The following SCARA5 variants were observed in gnomAD, a reference collection of about 807,000 sequenced individuals.
The protein encoded by SCARA5 is scavenger receptor class A member 5.
In SCARA5, 45 loss-of-function variants were observed where a neutral mutation model predicts 46.3. The ratio of observed to expected loss-of-function variants is 0.97; its 90% CI spans 0.76 to 1.24. SCARA5 has a LOEUF of 1.24. Among genes scored for constraint, SCARA5 ranks in the 50% most tolerant of loss-of-function variants. SCARA5 has a pLI of 0.00. For synonymous variants in SCARA5, 333 were observed against 306.5 expected, an observed-to-expected ratio of 1.09 and a Z score of -0.90; for missense variants, 680 against 689.0, an observed-to-expected ratio of 0.99 and a Z score of 0.15.
intron 4 of SCARA5, among the ~76,000 whole-genome samples, chr8:27,921,293 C>G (rs1019478201): frequency 3.3e-5 from 5 of 152,236 alleles, no homozygotes; most frequent in Admixed American, 3.3e-4. Context: ...GGAGCAAACT[C>G]TCACATCTAG....
At chr8:27,942,410 A>C (rs1451488237) in intron 3 of SCARA5, among the ~76,000 whole-genome samples, 2 of 151,966 alleles carry the variant, frequency 1.3e-5, no homozygotes, top group African/African-American at 2.4e-5. Context: ...TCACTTTCCA[A>C]CCACCACCAC....
intron 7 of SCARA5, among the ~76,000 whole-genome samples, chr8:27,893,803 TG>T (rs1807021659): frequency 6.6e-6 from 1 of 152,262 alleles, no homozygotes; most frequent in South Asian, 2.1e-4. Context: ...TGGCTATCAC[TG>T]GGGTGTGAGA....
At chr8:27,971,166 G>A (rs1300660146) in intron 2 of SCARA5, among the ~76,000 whole-genome samples, 1 of 152,226 alleles carries the variant, frequency 6.6e-6, no homozygotes, top group Non-Finnish European at 1.5e-5. Context: ...ATGCAGCCTT[G>A]GGAGGGGAAG....
chr8:27,968,455 C>G (rs939786638), intron 2 of SCARA5, among the ~76,000 whole-genome samples: 10 of 152,196 alleles, frequency 6.6e-5, no homozygotes, highest in African/African-American at 2.4e-4. Flanking sequence ...ATTTTCCATC[C>G]TTTACCATAC....
chr8:27,921,620 G>C lies in SCARA5; in HGVS notation c.867C>G (p.Leu289=). The C allele has an allele frequency of 6.3e-7, 1 of 1,595,830 alleles. No homozygotes were observed. The highest frequency in any genetic ancestry group is 8.6e-7 in the Non-Finnish European group (1 of 1,169,540). Residue 289 remains leucine (L), a synonymous_variant, in exon 4 of 9, where the codon CTC becomes CTG. Coordinates refer to ENST00000354914, the MANE Select transcript of SCARA5 (RefSeq NM_173833.6). ...MLNAVTEDLR[L]KDWEHSIALR... The stretch of plus-strand genomic sequence containing the variant: ...GTGCGATGGAGTGCTCCCAGTCCTT[G>C]AGGCGCAGGTCCTCGGTGACCGCGT...
intron 7 of SCARA5, 127 bp from the exon 8 acceptor site, chr8:27,879,893 C>G (rs1382101279): frequency 4.8e-6 from 4 of 827,368 alleles, no homozygotes; most frequent in South Asian, 1.7e-5. Context: ...TGTATCAAGA[C>G]TTCAGCCCCC....
At chr8:27,902,656 T>A (rs547402226) in intron 7 of SCARA5, among the ~76,000 whole-genome samples, 2 of 152,146 alleles carry the variant, frequency 1.3e-5, no homozygotes. Context: ...AGTTGTTTAT[T>A]TCTCAGAACT....
intron 3 of SCARA5, 58 bp from the exon 4 acceptor site, chr8:27,922,303 C>T: frequency 7.6e-7 from 1 of 1,310,830 alleles, no homozygotes; most frequent in South Asian, 1.6e-5. Flanking sequence ...CCCCGGGTGA[C>T]AAGAGGCGAA....
At chr8:27,940,156 C>T (rs1807920264) in intron 3 of SCARA5, among the ~76,000 whole-genome samples, 1 of 152,194 alleles carries the variant, frequency 6.6e-6, no homozygotes, top group East Asian at 1.9e-4. Flanking sequence ...ATAAGCTCTC[C>T]CCACTGGTGA....
At chr8:27,959,515 A>C (rs954222949) in intron 3 of SCARA5, among the ~76,000 whole-genome samples, 18 of 152,116 alleles carry the variant, frequency 1.2e-4, no homozygotes, top group African/African-American at 4.1e-4. Flanking sequence ...GCTCTCCCGG[A>C]CTAGGAGGAG....
intron 2 of SCARA5, among the ~76,000 whole-genome samples, chr8:27,979,230 G>C (rs569158577): frequency 6.6e-6 from 1 of 152,174 alleles, no homozygotes; most frequent in East Asian, 1.9e-4. Context: ...TTCACTCTAG[G>C]TTTCCTATTT....
chr8:27,898,855 A>AT (rs933085068), intron 7 of SCARA5, among the ~76,000 whole-genome samples: 46 of 151,102 alleles, frequency 3.0e-4, no homozygotes, highest in African/African-American at 1.0e-3. Flanking sequence ...TGAAAGCCCC[A>AT]TAAAAACCCA....
chr8:27,966,403 C>A lies in SCARA5; in HGVS notation c.241+11G>T. ...TCCCAAAAGACCAGGACAAAAATGG[C>A]CTGCTCTTACCTGCTAAGATGAAGA... On this transcript the variant is annotated intron_variant, in intron 3 of 8. Transcript: ENST00000354914. 6.3e-7 allele frequency: 1 copy of A among 1,591,862 alleles called. No individual in the cohort carries two copies. Among genetic ancestry groups the A allele is most frequent in the Non-Finnish European group, 8.5e-7 (1 of 1,172,826 alleles).
chr8:27,987,474 G>C (rs1476201538), intron 2 of SCARA5, 30 bp downstream of exon 2: 6 of 1,516,924 alleles, frequency 4.0e-6, no homozygotes, highest in Non-Finnish European at 5.5e-6. Flanking sequence ...GCCAGATCTT[G>C]TGCCCCAAGT....
At chr8:27,965,920 C>T (rs1219618962) in intron 3 of SCARA5, among the ~76,000 whole-genome samples, 1 of 152,208 alleles carries the variant, frequency 6.6e-6, no homozygotes, top group Non-Finnish European at 1.5e-5. Flanking sequence ...CCTAGCCCAT[C>T]GCCTGCCCAT....
intron 2 of SCARA5, among the ~76,000 whole-genome samples, chr8:27,978,873 A>G (rs148953491): frequency 6.6e-6 from 1 of 152,038 alleles, no homozygotes; most frequent in Non-Finnish European, 1.5e-5. Context: ...CCCACAGACC[A>G]TGCATCCCAC....
intron 4 of SCARA5, among the ~76,000 whole-genome samples, chr8:27,911,697 AAAAAG>A (rs961181834): frequency 2.6e-5 from 4 of 152,222 alleles, no homozygotes; most frequent in South Asian, 2.1e-4. Flanking sequence ...GTCTCCAAAA[AAAAAG>A]AAAGAAGAAA....
intron 3 of SCARA5, among the ~76,000 whole-genome samples, chr8:27,962,913 T>G (rs1211840163): frequency 6.6e-6 from 1 of 152,306 alleles, no homozygotes; most frequent in East Asian, 1.9e-4. Flanking sequence ...TTGTTGAGGA[T>G]GATGATGACA....
At chr8:27,968,168 A>G (rs949544587) in intron 2 of SCARA5, among the ~76,000 whole-genome samples, 1 of 151,704 alleles carries the variant, frequency 6.6e-6, no homozygotes, top group East Asian at 1.9e-4. Flanking sequence ...GACTATTGGT[A>G]CCTTACGATC....
Sources: allele counts gnomAD v4.1 joint callset (sites outside exome capture counted in the v4.1 genomes callset), GRCh38; gene constraint gnomAD v4.1.1; transcripts MANE v1.5; gene names NCBI Gene and HGNC (gene_info 2026-07-23, HGNC 2026-07-21).